The following EFCAB12 variants were observed in gnomAD, a reference collection of about 807,000 sequenced individuals.
EFCAB12 encodes EF-hand calcium binding domain 12.
A neutral mutation model predicts 53.6 loss-of-function variants in EFCAB12; 43 were observed. That is an observed-to-expected ratio of 0.80 (90% confidence interval 0.63 to 1.03). The LOEUF is 1.03. Among genes scored for constraint, EFCAB12 ranks in the 50% least tolerant of loss-of-function variants. The pLI, the probability that EFCAB12 is intolerant of heterozygous loss-of-function variation, is 0.00. For synonymous variants in EFCAB12, 269 were observed against 289.2 expected, an observed-to-expected ratio of 0.93 and a Z score of 0.71; for missense variants, 646 against 730.6, an observed-to-expected ratio of 0.88 and a Z score of 1.34.
intron 8 of EFCAB12, 125 bp downstream of exon 8, chr3:129,402,398 T>C (rs371191145): frequency 2.0e-5 from 21 of 1,048,362 alleles, no homozygotes; most frequent in Middle Eastern, 2.5e-4. Context: ...GTTGTGTCAC[T>C]GCCTCTCAGG....
intron 2 of EFCAB12, among the ~76,000 whole-genome samples, chr3:129,421,046 C>T (rs1354290431): frequency 2.6e-5 from 4 of 152,268 alleles, no homozygotes; most frequent in African/African-American, 9.6e-5. Context: ...GTCAAGCCTT[C>T]AGATGACTGT....
chr3:129,420,163 G>A (rs1014826375), intron 2 of EFCAB12, among the ~76,000 whole-genome samples: 2 of 152,222 alleles, frequency 1.3e-5, no homozygotes. Flanking sequence ...TGACCCTGAA[G>A]TTTCCGGGCC....
chr3:129,409,076 G>C (rs183762726), intron 5 of EFCAB12, among the ~76,000 whole-genome samples: 29 of 152,298 alleles, frequency 1.9e-4, no homozygotes, highest in African/African-American at 5.5e-4. Flanking sequence ...CCTGTAGACG[G>C]GTGTGCAGGA....
Position 129,401,515 on chromosome 3 carries a change from C to G in EFCAB12, c.*78G>C. ...TTTAGTTTGACTCTTTGACACTCCT[C>G]TTGTGTCTGGGCTCTGGGCCGCTGG... On this transcript the variant is annotated 3_prime_UTR_variant, in exon 9 of 9. Coordinates refer to ENST00000505956, the MANE Select transcript of EFCAB12 (RefSeq NM_207307.3). 6.9e-7 allele frequency: 1 copy of G among 1,449,228 alleles called. No individual in the cohort carries two copies. The highest frequency in any genetic ancestry group is 9.1e-7 in the Non-Finnish European group (1 of 1,094,502). 89.8% of individuals were successfully genotyped at this position (1,449,228 alleles called of 1,614,324 possible).
chr3:129,422,678 C>G (rs1346668239), intron 1 of EFCAB12, among the ~76,000 whole-genome samples: 11 of 152,154 alleles, frequency 7.2e-5, no homozygotes. Flanking sequence ...ACAACAAGGG[C>G]TGAAAACTGG....
chr3:129,424,215 G>A (rs1231759249), intron 1 of EFCAB12, among the ~76,000 whole-genome samples: 2 of 152,178 alleles, frequency 1.3e-5, no homozygotes, highest in Non-Finnish European at 2.9e-5. Flanking sequence ...CTCTTTACAA[G>A]GCCCATGTGT....
chr3:129,412,754 A>G (rs1451174707), intron 4 of EFCAB12: 1 of 152,270 alleles, frequency 6.6e-6, no homozygotes, highest in African/African-American at 2.4e-5. Flanking sequence ...GTTCCTGTCA[A>G]TCACTCAGAT....
chr3:129,409,548 G>A (rs1417231214), intron 5 of EFCAB12, among the ~76,000 whole-genome samples: 1 of 152,200 alleles, frequency 6.6e-6, no homozygotes, highest in Non-Finnish European at 1.5e-5. Context: ...GAGGAGGCTG[G>A]CGGAGCAGGT....
chr3:129,425,405 C>CG (rs1559793596), intron 1 of EFCAB12, among the ~76,000 whole-genome samples: 1 of 152,160 alleles, frequency 6.6e-6, no homozygotes, highest in African/African-American at 2.4e-5. Flanking sequence ...TCCCAGCCCC[C>CG]GCCCCCTCAC....
chr3:129,407,718 G>A (rs927065420), intron 6 of EFCAB12, among the ~76,000 whole-genome samples: 9 of 152,204 alleles, frequency 5.9e-5, no homozygotes, highest in South Asian at 2.1e-4. Context: ...GTTCAAGACC[G>A]GCCTGGCCAA....
At chr3:129,427,019 T>C (rs760743826) in intron 1 of EFCAB12, among the ~76,000 whole-genome samples, 6 of 151,562 alleles carry the variant, frequency 4.0e-5, no homozygotes, top group African/African-American at 7.3e-5. Flanking sequence ...GGCTAATTTT[T>C]TGTATTTTTA....
intron 4 of EFCAB12, 36 bp from the exon 5 acceptor site, chr3:129,411,390 C>A: frequency 6.6e-7 from 1 of 1,526,482 alleles, no homozygotes; most frequent in Non-Finnish European, 8.8e-7. Context: ...GAAGGAGGGA[C>A]TAAGAGGGTG....
At chr3:129,420,108 T>C (rs2072170134) in intron 2 of EFCAB12, among the ~76,000 whole-genome samples, 2 of 152,204 alleles carry the variant, frequency 1.3e-5, no homozygotes, top group Non-Finnish European at 1.5e-5. Flanking sequence ...AGAGGGTGTG[T>C]TAGACCCATG....
intron 1 of EFCAB12, among the ~76,000 whole-genome samples, chr3:129,424,212 C>T (rs2072222961): frequency 6.6e-6 from 1 of 152,224 alleles, no homozygotes; most frequent in Non-Finnish European, 1.5e-5. Flanking sequence ...AGTCTCTTTA[C>T]AAGGCCCATG....
intron 1 of EFCAB12, among the ~76,000 whole-genome samples, chr3:129,426,781 ATCC>A (rs2072278446): frequency 6.6e-6 from 1 of 150,404 alleles, no homozygotes. Context: ...GGCTCAAATG[ATCC>A]TCCCAGCTCA....
chr3:129,416,119 C>T (rs1202170051), intron 3 of EFCAB12, among the ~76,000 whole-genome samples: 1 of 152,202 alleles, frequency 6.6e-6, no homozygotes, highest in Non-Finnish European at 1.5e-5. Flanking sequence ...TAAGTAAGAT[C>T]AGAACTCTCC....
At chr3:129,406,457 AG>A (rs756482048) in intron 6 of EFCAB12, among the ~76,000 whole-genome samples, 7 of 152,134 alleles carry the variant, frequency 4.6e-5, no homozygotes, top group Non-Finnish European at 1.0e-4. Context: ...TCTAATCCTT[AG>A]TACCTTAGAA....
chr3:129,406,344 A>C (rs912164275), intron 6 of EFCAB12, among the ~76,000 whole-genome samples: 67 of 152,286 alleles, frequency 4.4e-4, no homozygotes, highest in African/African-American at 1.5e-3. Flanking sequence ...GACAATGACC[A>C]CTGAAGTTGC....
chr3:129,411,547 T>A lies in EFCAB12; in HGVS notation c.839-193A>T, dbSNP rs1163072759. On this transcript the variant is annotated intron_variant, in intron 4 of 8. Transcript: ENST00000505956. ...ATGTGGCCCTCCTCTCCATCTCCAC[T>A]AATGGCGTCCCTTACTGCACCAACC... 37 of 519,464 alleles carry A rather than the reference T, an allele frequency of 7.1e-5. 1 individual carries two copies. The South Asian group carries it at 1.1e-3, about 15-fold the overall frequency. The allele number at this position is 519,464 out of a possible 1,614,324, so 32.2% of individuals were successfully genotyped here. A position where few individuals can be genotyped will look rare whatever the true frequency, so the allele number is the denominator to read the frequency against.
Sources: gnomAD v4.1 joint callset for allele counts (sites outside exome capture counted in the v4.1 genomes callset) on GRCh38, gnomAD v4.1.1 for gene constraint, MANE v1.5 for transcripts, NCBI Gene and HGNC (gene_info 2026-07-23, HGNC 2026-07-21) for gene names.